The following RARB variants were observed in gnomAD, a reference collection of about 807,000 sequenced individuals.
RARB encodes HBV-activated protein.
Under a neutral mutation model 51.9 loss-of-function variants are expected in RARB, and 17 were observed. That is an observed-to-expected ratio of 0.33 (90% CI 0.22 to 0.49). The LOEUF is 0.49. Among genes scored for constraint, RARB ranks in the 20% least tolerant of loss-of-function variants. The pLI is 0.99. For synonymous variants in RARB, 215 were observed against 195.4 expected (o/e 1.10, Z -0.84); for missense variants, 369 against 550.8 (o/e 0.67, Z 3.30).
intron 1 of RARB, among the ~76,000 whole-genome samples, chr3:24,844,868 A>AG (rs1385037266): frequency 1.3e-5 from 2 of 152,200 alleles, no homozygotes; most frequent in African/African-American, 4.8e-5. Flanking sequence ...TTGTCAAGTC[A>AG]GGTGACTTAC....
At chr3:25,272,397 C>T (rs9853990) in intron 5 of RARB, among the ~76,000 whole-genome samples, 39,886 of 152,076 alleles carry the variant, frequency 0.26, 5,440 homozygotes, top group South Asian at 0.31. Flanking sequence ...CTAGATAATA[C>T]TGCTAATTTG....
At chr3:25,201,269 C>A (rs1243725570) in intron 5 of RARB, among the ~76,000 whole-genome samples, 1 of 152,112 alleles carries the variant, frequency 6.6e-6, no homozygotes, top group Non-Finnish European at 1.5e-5. Flanking sequence ...GTGATTTTTG[C>A]ACATTGATTT....
At chr3:25,014,500 C>G (rs1194363504) in intron 2 of RARB, among the ~76,000 whole-genome samples, 2 of 152,038 alleles carry the variant, frequency 1.3e-5, no homozygotes, top group African/African-American at 4.8e-5. Context: ...CGTACAGACC[C>G]CAGTCATGTA....
At chr3:25,524,237 G>A (rs1296868780) in intron 3 of RARB, among the ~76,000 whole-genome samples, 27 of 152,162 alleles carry the variant, frequency 1.8e-4, no homozygotes, top group Admixed American at 1.7e-3. Flanking sequence ...AGTTCTAATG[G>A]ACTCCAGAAG....
chr3:25,388,658 T>A (rs1488248582), intron 5 of RARB, among the ~76,000 whole-genome samples: 1 of 152,192 alleles, frequency 6.6e-6, no homozygotes, highest in East Asian at 1.9e-4. Flanking sequence ...TGATACAGAA[T>A]TTTTTGTCTA....
At chr3:24,982,319 A>T (rs1030353381) in intron 2 of RARB, among the ~76,000 whole-genome samples, 2 of 152,194 alleles carry the variant, frequency 1.3e-5, no homozygotes, top group African/African-American at 4.8e-5. Flanking sequence ...CCTAATCTTT[A>T]TCCAAATCCT....
intron 1 of RARB, among the ~76,000 whole-genome samples, chr3:25,438,288 C>T (rs1339732233): frequency 6.6e-6 from 1 of 152,154 alleles, no homozygotes; most frequent in Non-Finnish European, 1.5e-5. Flanking sequence ...TATACAGTCG[C>T]TTTCACTATA....
intron 3 of RARB, among the ~76,000 whole-genome samples, chr3:25,127,488 A>G (rs761802103): frequency 4.6e-5 from 7 of 152,136 alleles, no homozygotes; most frequent in Non-Finnish European, 7.3e-5. Context: ...TATTTCATCT[A>G]TCGGCTTTGT....
At chr3:25,525,290 G>A (rs189419697) in intron 3 of RARB, among the ~76,000 whole-genome samples, 1 of 152,246 alleles carries the variant, frequency 6.6e-6, no homozygotes, top group African/African-American at 2.4e-5. Context: ...ATGAAAGTGT[G>A]GTGTCATTTT....
chr3:24,992,731 C>T (rs144889543), intron 2 of RARB, among the ~76,000 whole-genome samples: 1 of 152,146 alleles, frequency 6.6e-6, no homozygotes, highest in African/African-American at 2.4e-5. Flanking sequence ...ATCCTAATTT[C>T]CTCTTTTTAT....
chr3:25,296,393 C>A (rs1371615910), intron 5 of RARB, among the ~76,000 whole-genome samples: 4 of 152,120 alleles, frequency 2.6e-5, no homozygotes, highest in Non-Finnish European at 4.4e-5. Flanking sequence ...GAAGTAACTT[C>A]ACTATTTCCT....
At chr3:25,512,383 C>T (rs1390264365) in intron 3 of RARB, among the ~76,000 whole-genome samples, 1 of 152,220 alleles carries the variant, frequency 6.6e-6, no homozygotes, top group Non-Finnish European at 1.5e-5. Context: ...GAAGCAGTTT[C>T]AGCTCTGAGC....
intron 2 of RARB, among the ~76,000 whole-genome samples, chr3:24,899,065 A>T (rs1559387663): frequency 6.6e-6 from 1 of 152,214 alleles, no homozygotes; most frequent in Admixed American, 6.5e-5. Flanking sequence ...AGATCATTTT[A>T]GAAATGTAAA....
chr3:25,588,228 G>A (rs1271331740), intron 5 of RARB, among the ~76,000 whole-genome samples: 6 of 152,220 alleles, frequency 3.9e-5, no homozygotes, highest in African/African-American at 9.7e-5. Context: ...ATCACACAGA[G>A]AATATTGAGT....
At chr3:25,230,895 G>A (rs1702161694) in intron 5 of RARB, among the ~76,000 whole-genome samples, 1 of 151,974 alleles carries the variant, frequency 6.6e-6, no homozygotes, top group South Asian at 2.1e-4. Context: ...TAGCCACACA[G>A]GACTACCATA....
intron 5 of RARB, among the ~76,000 whole-genome samples, chr3:25,407,648 C>G (rs953920264): frequency 6.6e-6 from 1 of 152,158 alleles, no homozygotes; most frequent in Non-Finnish European, 1.5e-5. Context: ...TGCACGCACA[C>G]ACACACAGAA....
rs115159729 is a variant in RARB, at chr3:25,207,509, C to G, written c.178+32934C>G. Among the ~76,000 whole-genome samples, 1,411 of 152,164 alleles carry G rather than the reference C, an allele frequency of 9.3e-3. 20 individuals carry two copies. The highest frequency in any genetic ancestry group is 0.033 in the African/African-American group (1,361 of 41,524). ...AACACAGGTTATATATAAAAATTGA[C>G]CATTTTTGACAAGGGATGATAACTA... is the stretch of plus-strand genomic sequence containing the variant. On this transcript the variant is annotated intron_variant, in intron 5 of 11. Coordinates refer to the RARB transcript ENST00000383772.
intron 5 of RARB, among the ~76,000 whole-genome samples, chr3:25,311,876 T>G (rs1440210601): frequency 6.6e-6 from 1 of 152,210 alleles, no homozygotes; most frequent in Non-Finnish European, 1.5e-5. Flanking sequence ...ACTCAAGCTC[T>G]GCCTCCTGGT....
chr3:24,874,078 G>T (rs1702997972), intron 2 of RARB, among the ~76,000 whole-genome samples: 1 of 152,044 alleles, frequency 6.6e-6, no homozygotes, highest in Admixed American at 6.6e-5. Flanking sequence ...ACGAGAGGAT[G>T]TGTGTAGGTT....
Sources: gnomAD v4.1 joint callset for allele counts (sites outside exome capture counted in the v4.1 genomes callset) on GRCh38, gnomAD v4.1.1 for gene constraint, MANE v1.5 for transcripts, NCBI Gene and HGNC (gene_info 2026-07-23, HGNC 2026-07-21) for gene names.